The following TUBA1C variants were observed in gnomAD, a reference collection of about 807,000 sequenced individuals.
The protein encoded by TUBA1C is tubulin alpha 1c, also known as tubulin alpha-1C chain.
TUBA1C carries 16 observed loss-of-function variants against 34.9 expected under a neutral mutation model. That is an observed-to-expected ratio of 0.46 (90% CI 0.31 to 0.70). The LOEUF (loss-of-function observed/expected upper bound fraction) is 0.70. Ranked by LOEUF, TUBA1C falls within the 30% of genes least tolerant of loss-of-function variation. TUBA1C has a pLI of 0.05. For missense variants in TUBA1C, 329 were observed against 587.3 expected (o/e 0.56, Z 4.55); for synonymous variants, 177 against 215.9 (o/e 0.82, Z 1.58).
At chr12:49,265,957 T>A (rs1277819637) in intron 1 of TUBA1C, among the ~76,000 whole-genome samples, 36 of 91,760 alleles carry the variant, frequency 3.9e-4, no homozygotes, top group Admixed American at 4.9e-4. Context: ...GTCTCTACTT[T>A]AAAAAAAAAA....
At chr12:49,255,405 A>AATATATATATATATATAT (rs142218984) in intron 1 of TUBA1C, among the ~76,000 whole-genome samples, 10 of 141,310 alleles carry the variant, frequency 7.1e-5, no homozygotes, top group African/African-American at 2.6e-4. Flanking sequence ...ATCTTTAAAA[A>AATATATATATATATATAT]ATATATATAT....
chr12:49,260,165 G>A (rs1377795700), upstream of TUBA1C, among the ~76,000 whole-genome samples: 1 of 152,108 alleles, frequency 6.6e-6, no homozygotes, highest in Non-Finnish European at 1.5e-5. Context: ...TTTCCTCCAA[G>A]AGAATTTTAT....
At chr12:49,253,235 T>G (rs1413409007) in intron 1 of TUBA1C, among the ~76,000 whole-genome samples, 2 of 152,124 alleles carry the variant, frequency 1.3e-5, no homozygotes, top group East Asian at 3.9e-4. Context: ...CAGCCATGCC[T>G]GCAGGCATGG....
intron 1 of TUBA1C, among the ~76,000 whole-genome samples, chr12:49,235,160 C>A (rs185871827): frequency 4.8e-4 from 72 of 151,572 alleles, no homozygotes; most frequent in African/African-American, 1.6e-3. Flanking sequence ...ATCAAAAAGT[C>A]TTTTAGACAT....
upstream of TUBA1C, among the ~76,000 whole-genome samples, chr12:49,264,474 A>T (rs1942873170): frequency 6.6e-6 from 1 of 151,922 alleles, no homozygotes; most frequent in African/African-American, 2.4e-5. Flanking sequence ...CGGCGAGGGG[A>T]GCGGGCGCCC....
chr12:49,255,405 A>AAAAT (rs533723121), intron 1 of TUBA1C, among the ~76,000 whole-genome samples: 3,318 of 141,218 alleles, frequency 0.023, 53 homozygotes, highest in Non-Finnish European at 0.036. Flanking sequence ...ATCTTTAAAA[A>AAAAT]ATATATATAT....
intron 1 of TUBA1C, among the ~76,000 whole-genome samples, chr12:49,252,423 T>G (rs567987836): frequency 6.6e-6 from 1 of 152,346 alleles, no homozygotes; most frequent in South Asian, 2.1e-4. Context: ...TATTTTAACA[T>G]GGAAGACATA....
chr12:49,258,018 C>A, intron 1 of TUBA1C: 1 of 157,738 alleles, frequency 6.3e-6, no homozygotes. Flanking sequence ...GCCACCACAT[C>A]CGGCTAATTT....
chr12:49,240,725 C>G (rs1337055197), intron 1 of TUBA1C, among the ~76,000 whole-genome samples: 1 of 152,170 alleles, frequency 6.6e-6, no homozygotes, highest in Admixed American at 6.5e-5. Context: ...GTAGCTGGCA[C>G]TACAGGCGTG....
rs1210294861 is a variant in TUBA1C, at chr12:49,252,631, G to A, written c.214-16834G>A. Among the ~76,000 whole-genome samples the A allele has an allele frequency of 2.0e-5, 3 of 152,142 alleles. No individual in the cohort carries two copies. In the East Asian group the frequency reaches 5.8e-4, roughly 29 times the overall value. ...ATCTCTACTAAAAATACAAAAATTGGCTGGGCACGGTGGCTCACACCTGTA... is the reference window on the plus strand; with the variant it reads ...ATCTCTACTAAAAATACAAAAATTGACTGGGCACGGTGGCTCACACCTGTA... On this transcript the variant is annotated intron_variant, in intron 1 of 3. Transcript: ENST00000541364.
At position 49,254,684 on chromosome 12, in the gene TUBA1C, A is replaced by G. The variant is rs138505515; in HGVS notation, c.214-14781A>G. Among the ~76,000 whole-genome samples the G allele has an allele frequency of 1.5e-3, 222 of 152,090 alleles. 1 individual carries two copies. In the East Asian group the frequency reaches 0.035, roughly 24 times the overall value. ...GGAACCCGGTAGTTTAGGGATTTTTATGGAGGCTTCATCACGTAGGCATGA... is the reference window on the plus strand; with the variant it reads ...GGAACCCGGTAGTTTAGGGATTTTTGTGGAGGCTTCATCACGTAGGCATGA... On this transcript the variant is annotated intron_variant, in intron 1 of 3. Coordinates refer to the TUBA1C transcript ENST00000541364.
chr12:49,232,829 T>C (rs566398964), intron 1 of TUBA1C: 2 of 152,322 alleles, frequency 1.3e-5, no homozygotes, highest in Admixed American at 1.3e-4. Flanking sequence ...TTTTATTTTT[T>C]CAAAGTGGGG....
chr12:49,256,313 A>G (rs1771368124), intron 1 of TUBA1C: 1 of 374,422 alleles, frequency 2.7e-6, no homozygotes, highest in Admixed American at 3.1e-5. Flanking sequence ...CATTTCGTGC[A>G]GAGTAAAGAG....
intron 1 of TUBA1C, among the ~76,000 whole-genome samples, chr12:49,255,426 A>ATG (rs992137466): frequency 6.1e-5 from 9 of 148,418 alleles, no homozygotes; most frequent in South Asian, 2.1e-4. Context: ...ATATATATAT[A>ATG]TATATTTCTC....
upstream of TUBA1C, among the ~76,000 whole-genome samples, chr12:49,263,021 C>G (rs533649068): frequency 5.3e-4 from 72 of 135,566 alleles, no homozygotes; most frequent in African/African-American, 1.9e-3. Flanking sequence ...AAGAGAATTA[C>G]TCTTTTTTTT....
In TUBA1C at chr12:49,230,321, G is replaced by A. The variant is rs528671987; in HGVS notation, c.213+2155G>A. ...AGAGACAGGTGCAAGCTTTCTGGCT[G>A]GCTGGAGTGTTACTAAAAACATAGG... On this transcript the variant is annotated intron_variant, in intron 1 of 3. Transcript: ENST00000541364. 3.3e-5 allele frequency among the ~76,000 whole-genome samples: 5 copies of A among 152,238 alleles called. No homozygotes were observed. In the South Asian group the frequency reaches 1.0e-3, roughly 32 times the overall value.
intron 1 of TUBA1C, among the ~76,000 whole-genome samples, chr12:49,254,179 C>T (rs987474254): frequency 2.6e-5 from 4 of 152,048 alleles, no homozygotes; most frequent in African/African-American, 2.4e-5. Flanking sequence ...GGCGTGGTGG[C>T]GCATGCCTGT....
chr12:49,247,156 G>A (rs1278549107), intron 1 of TUBA1C, among the ~76,000 whole-genome samples: 7 of 149,024 alleles, frequency 4.7e-5, no homozygotes, highest in East Asian at 3.9e-4. Flanking sequence ...AAAAAAGAAA[G>A]AAAAAAAAAG....
At chr12:49,261,583 C>G (rs746072512), upstream of TUBA1C, among the ~76,000 whole-genome samples, 1 of 152,148 alleles carries the variant, frequency 6.6e-6, no homozygotes, top group Non-Finnish European at 1.5e-5. Context: ...TCTACCAAGG[C>G]ACTATTGCAG....
Sources: allele counts gnomAD v4.1 joint callset (sites outside exome capture counted in the v4.1 genomes callset), GRCh38; gene constraint gnomAD v4.1.1; transcripts MANE v1.5; gene names NCBI Gene and HGNC (gene_info 2026-07-23, HGNC 2026-07-21).